The following RYR1 variants were observed in gnomAD, a reference collection of about 807,000 sequenced individuals.
RYR1 encodes the protein ryanodine receptor 1.
Under a neutral mutation model 583.5 loss-of-function variants are expected in RYR1, and 342 were observed. That is an observed-to-expected ratio of 0.59 (90% CI 0.54 to 0.64). RYR1 has a LOEUF of 0.64. RYR1 is among the 30% of genes least tolerant of loss of function. RYR1 has a pLI of 0.00. For missense variants in RYR1, 6,032 were observed against 6,917.2 expected (o/e 0.87, Z 4.54); for synonymous variants, 2,791 against 2,822.5 (o/e 0.99, Z 0.35).
At position 38,569,559 on chromosome 19, in the gene RYR1, A is replaced by G. The variant is rs1973618176; in HGVS notation, c.13660-1048A>G. Among the ~76,000 whole-genome samples the G allele has an allele frequency of 2.6e-5, 4 of 151,844 alleles. No individual in the cohort carries two copies. In the South Asian group the frequency reaches 8.3e-4, roughly 32 times the overall value. ...GAGAGTAAGACCTTGACTCAAAAAAAAAAAAAATTCCCTTTCATCTTCTGT... is the reference window on the plus strand; with the variant it reads ...GAGAGTAAGACCTTGACTCAAAAAAGAAAAAAATTCCCTTTCATCTTCTGT... On this transcript the variant is annotated intron_variant, in intron 93 of 105. Transcript: ENST00000359596.
intron 89 of RYR1, among the ~76,000 whole-genome samples, chr19:38,549,661 T>C (rs1413079241): frequency 6.6e-6 from 1 of 151,784 alleles, no homozygotes; most frequent in East Asian, 1.9e-4. Context: ...ATGTTTTCTA[T>C]TTACTATTTA....
chr19:38,463,141 G>GGGGGGGCCC, intron 20 of RYR1, among the ~76,000 whole-genome samples: 1 of 32,960 alleles, frequency 3.0e-5, no homozygotes, highest in African/African-American at 2.1e-4. Context: ...CAGGCGATCT[G>GGGGGGGCCC]CCCCCCCCCC....
intron 84 of RYR1, among the ~76,000 whole-genome samples, chr19:38,541,481 C>T (rs5029199): frequency 0.23 from 33,764 of 149,568 alleles, 122 homozygotes; most frequent in African/African-American, 0.32. Context: ...TTTGGGAGGC[C>T]GAGGCAGGTG....
At chr19:38,453,958 T>G (rs1181481867) in intron 13 of RYR1, among the ~76,000 whole-genome samples, 1 of 152,144 alleles carries the variant, frequency 6.6e-6, no homozygotes, top group African/African-American at 2.4e-5. Context: ...TGATGCCACT[T>G]TGGTTGTGCT....
intron 30 of RYR1, among the ~76,000 whole-genome samples, chr19:38,478,170 A>C (rs1373446433): frequency 4.0e-5 from 6 of 149,116 alleles, no homozygotes; most frequent in African/African-American, 1.5e-4. Flanking sequence ...CTGTCATCTC[A>C]TTCTCTCTCC....
At chr19:38,545,584 G>A (rs953980897) in intron 87 of RYR1, among the ~76,000 whole-genome samples, 2 of 152,136 alleles carry the variant, frequency 1.3e-5, no homozygotes, top group African/African-American at 2.4e-5. Flanking sequence ...AGCCCTAGGC[G>A]GGCAGATCAC....
rs186536693 is a variant in RYR1 at position 38,533,803 on chromosome 19, C to G, written c.11260-917C>G. Among the ~76,000 whole-genome samples, 183 of 150,356 alleles carry G rather than the reference C, an allele frequency of 1.2e-3. 1 individual carries two copies. The highest frequency in any genetic ancestry group is 8.7e-3 in the East Asian group (44 of 5,050). On this transcript the variant is annotated intron_variant, in intron 78 of 105. Coordinates refer to ENST00000359596, the MANE Select transcript of RYR1 (RefSeq NM_000540.3). The stretch of plus-strand genomic sequence containing the variant: ...CATCTCAAAAAAAAAAAAAAAAGAT[C>G]TAGCAGTAGATCCAACAGCTACTAT...
chr19:38,586,499 G>A, intron 104 of RYR1, 26 bp from the exon 105 acceptor site: 2 of 1,609,894 alleles, frequency 1.2e-6, no homozygotes, highest in Non-Finnish European at 1.7e-6. Flanking sequence ...GTTCTGACTT[G>A]TCTCCTGTGG....
chr19:38,496,634 A>G lies in RYR1; in HGVS notation c.6796+93A>G, dbSNP rs1225411671. On this transcript the variant is annotated intron_variant, in intron 41 of 105. Transcript: ENST00000359596. This position sits in a 1 kb window ranked among gnomAD's most constrained non-coding sequence, Gnocchi z 4.8. The stretch of plus-strand genomic sequence containing the variant: ...CACTTTCCACCAGCTCACTCATTCA[A>G]CAAACACTCCCTCTCAACTGTGGTT... 10 of 1,479,518 alleles carry G rather than the reference A, an allele frequency of 6.8e-6. No individual in the cohort carries two copies. Among genetic ancestry groups the G allele is most frequent in the Non-Finnish European group, 2.8e-6 (3 of 1,062,356 alleles). The allele number at this position is 1,479,518 out of a possible 1,614,324, so 91.6% of individuals were successfully genotyped here.
chr19:38,520,424 G>A (rs1233884322), intron 67 of RYR1, among the ~76,000 whole-genome samples: 1 of 150,722 alleles, frequency 6.6e-6, no homozygotes, highest in African/African-American at 2.4e-5. Flanking sequence ...GCCGGGTGTG[G>A]TGGCTCATGC....
chr19:38,449,027 A>G lies in RYR1; in HGVS notation c.1122+214A>G, dbSNP rs563537975. Among the ~76,000 whole-genome samples the G allele has an allele frequency of 2.8e-4, 42 of 152,234 alleles. No homozygotes were observed. In the South Asian group the frequency reaches 8.5e-3, roughly 31 times the overall value. On this transcript the variant is annotated intron_variant, in intron 11 of 105. Transcript: ENST00000359596. ...AAGATAGAGACTGGGAGAGAAACTG[A>G]GACTGAGAGAAACAGCAAAAAAGAC... is the stretch of plus-strand genomic sequence containing the variant.
chr19:38,469,635 T>C (rs950812092), intron 27 of RYR1, 122 bp downstream of exon 27: 1 of 1,056,032 alleles, frequency 9.5e-7, no homozygotes, highest in African/African-American at 1.6e-5. Context: ...GAAGCAAGTG[T>C]CAGAGTGATG....
rs540794470 is a variant in RYR1 at position 38,444,282 on chromosome 19, C to T, written c.537+21C>T. On this transcript the variant is annotated intron_variant, in intron 6 of 105. Coordinates refer to ENST00000359596, the MANE Select transcript of RYR1 (RefSeq NM_000540.3). This position sits in a 1 kb window ranked among gnomAD's most constrained non-coding sequence, Gnocchi z 5.1. The stretch of plus-strand genomic sequence containing the variant: ...ACCTGGTGAGCCATTGCGGTTCCTC[C>T]TGCTCCCAGGTCTGGGGGCGCATGG... 7 of 1,586,214 alleles carry T rather than the reference C, an allele frequency of 4.4e-6. No individual in the cohort carries two copies. In the South Asian group the frequency reaches 6.7e-5, roughly 15 times the overall value.
intron 101 of RYR1, among the ~76,000 whole-genome samples, chr19:38,582,352 G>T: frequency 6.6e-6 from 1 of 151,788 alleles, no homozygotes; most frequent in Non-Finnish European, 1.5e-5. Flanking sequence ...AGCCGAGATT[G>T]CGCCACTGCA....
Position 38,450,773 on chromosome 19 carries a change from C to CAATA in RYR1, c.1123-977_1123-974dup, listed in dbSNP as rs373753347. Reference sequence around the variant, plus strand: ...ATTCCTTTTCTGTACAACGTGGAAACAATAAATAAATAAATAACTAAATAA... The same window carrying CAATA: ...ATTCCTTTTCTGTACAACGTGGAAACAATAAATAAATAAATAAATAACTAAATAA... On this transcript the variant is annotated intron_variant, in intron 11 of 105. Transcript: ENST00000359596. Among the ~76,000 whole-genome samples, 596 of 150,172 alleles carry CAATA rather than the reference C, an allele frequency of 4.0e-3. 6 individuals are homozygous for CAATA. The highest frequency in any genetic ancestry group is 0.013 in the African/African-American group (522 of 40,800).
chr19:38,582,339 A>G (rs1407869455), intron 101 of RYR1, among the ~76,000 whole-genome samples: 4 of 151,918 alleles, frequency 2.6e-5, no homozygotes, highest in Non-Finnish European at 1.5e-5. Flanking sequence ...GGAGGTTGCC[A>G]TGAGCCGAGA....
chr19:38,528,360 C>T lies in RYR1; in HGVS notation c.10879C>T (p.Gln3627Ter), dbSNP rs2145722592. 1 of 1,614,134 alleles carries T rather than the reference C, an allele frequency of 6.2e-7. No homozygotes were observed. The highest frequency in any genetic ancestry group is 8.5e-7 in the Non-Finnish European group (1 of 1,180,022). ...CGTGTGGCACAAGCTTTTGTCCAAA[C>T]AGCGCCGGCGGGCAGTCGTGGCCTG... ...KAVWHKLLSK[Q>*]RRRAVVACFR... The change falls in exon 74 of 106, where the codon CAG (glutamine) becomes TAG (stop). Residue 3627 changes from glutamine to a stop codon, truncating the protein, a stop_gained. Coordinates refer to ENST00000359596, the MANE Select transcript of RYR1 (RefSeq NM_000540.3). LOFTEE classifies it high-confidence loss of function.
intron 20 of RYR1, among the ~76,000 whole-genome samples, chr19:38,461,546 A>G (rs1235131712): frequency 6.6e-6 from 1 of 151,898 alleles, no homozygotes; most frequent in Non-Finnish European, 1.5e-5. Context: ...TAGGCAACAT[A>G]GCAAGACCCC....
rs1300602582 is a variant in RYR1 at position 38,515,015 on chromosome 19, G to A, written c.9473-11G>A. 5.0e-6 allele frequency: 8 copies of A among 1,609,814 alleles called. No individual in the cohort carries two copies. Among genetic ancestry groups the A allele is most frequent in the South Asian group, 1.1e-5 (1 of 90,888 alleles). ...AGCGCATGCCGCAGCCTCGCCCCCT[G>A]TCTCCCTCAGTGGACGACGTCCAGG... On this transcript the variant is annotated splice_polypyrimidine_tract_variant and intron_variant, in intron 63 of 105. Coordinates refer to ENST00000359596, the MANE Select transcript of RYR1 (RefSeq NM_000540.3).
Sources: gnomAD v4.1 joint callset for allele counts (sites outside exome capture counted in the v4.1 genomes callset) on GRCh38, gnomAD v4.1.1 for gene constraint, Gnocchi (gnomAD v3.1) non-coding constraint, MANE v1.5 for transcripts, NCBI Gene and HGNC (gene_info 2026-07-23, HGNC 2026-07-21) for gene names.